The following RAB3IL1 variants were observed in gnomAD, a reference collection of about 807,000 sequenced individuals.
RAB3IL1 encodes RAB3A interacting protein like 1, also known as guanine nucleotide exchange factor for Rab-3A.
Under a neutral mutation model 49.2 loss-of-function variants are expected in RAB3IL1, and 37 were observed. The observed-to-expected ratio is 0.75, with a 90% CI of 0.58 to 0.99. The LOEUF is 0.99. RAB3IL1 is among the 50% of genes least tolerant of loss of function. The pLI is 0.00. For missense variants in RAB3IL1, 484 were observed against 513.0 expected (o/e 0.94, Z 0.55); for synonymous variants, 193 against 213.9 (o/e 0.90, Z 0.85).
the RAB3IL1 span, among the ~76,000 whole-genome samples, chr11:61,941,966 G>A: frequency 6.6e-6 from 1 of 152,072 alleles, no homozygotes; most frequent in Admixed American, 6.6e-5. Flanking sequence ...ATCTTAGCAC[G>A]TTGTGAGGCC....
chr11:61,897,814 A>G lies in RAB3IL1; in HGVS notation c.*464T>C. ...GGGAACAAGGCACAGGATGGCCACA[A>G]GGGGGTGCTGCTGGCCCAGGGCTTG... On this transcript the variant is annotated 3_prime_UTR_variant, in exon 10 of 10. Transcript: ENST00000394836. The G allele has an allele frequency of 6.2e-6, 1 of 162,464 alleles. No individual in the cohort carries two copies. Among genetic ancestry groups the G allele is most frequent in the Non-Finnish European group, 1.3e-5 (1 of 74,274 alleles). 10.1% of individuals were successfully genotyped at this position (162,464 alleles called of 1,614,324 possible).
chr11:61,906,411 C>G lies in RAB3IL1; in HGVS notation c.657+55G>C. ...GGTCCTCACTGGGCTCGGACCCTGCCTACCGCAGGCACTGCCACCCTTCCC... is the reference window on the plus strand; with the variant it reads ...GGTCCTCACTGGGCTCGGACCCTGCGTACCGCAGGCACTGCCACCCTTCCC... On this transcript the variant is annotated intron_variant, in intron 5 of 9. Coordinates refer to ENST00000394836, the MANE Select transcript of RAB3IL1 (RefSeq NM_013401.4). The surrounding 1 kb of genome is among the most constrained non-coding windows in gnomAD (Gnocchi z 4.6). 6.8e-7 allele frequency: 1 copy of G among 1,469,180 alleles called. No individual in the cohort carries two copies. Among genetic ancestry groups the G allele is most frequent in the Non-Finnish European group, 9.2e-7 (1 of 1,086,730 alleles). The allele number at this position is 1,469,180 out of a possible 1,614,324, so 91.0% of individuals were successfully genotyped here.
chr11:61,921,615 C>T (rs1939909042), upstream of RAB3IL1, among the ~76,000 whole-genome samples: 2 of 152,182 alleles, frequency 1.3e-5, no homozygotes, highest in African/African-American at 4.8e-5. Context: ...CCCCCTGGAA[C>T]TGTTGGACAC....
the RAB3IL1 span, among the ~76,000 whole-genome samples, chr11:61,927,082 G>A: frequency 5.3e-5 from 8 of 152,184 alleles, no homozygotes; most frequent in Non-Finnish European, 1.2e-4. Flanking sequence ...GACCTCAGAT[G>A]ATCCACCCGC....
At chr11:61,941,188 G>A in the RAB3IL1 span, among the ~76,000 whole-genome samples, 1 of 151,860 alleles carries the variant, frequency 6.6e-6, no homozygotes, top group African/African-American at 2.4e-5. Context: ...AAAATTGTAT[G>A]ACAACAAACT....
the RAB3IL1 span, among the ~76,000 whole-genome samples, chr11:61,937,433 G>A: frequency 1.3e-5 from 2 of 152,094 alleles, no homozygotes; most frequent in Admixed American, 1.3e-4. Flanking sequence ...CAGCCTCTGA[G>A]TAGCTGGGAC....
chr11:61,915,480 G>A (rs1401461222), intron 1 of RAB3IL1, among the ~76,000 whole-genome samples: 1 of 152,102 alleles, frequency 6.6e-6, no homozygotes, highest in Non-Finnish European at 1.5e-5. Context: ...TTTACCTAGA[G>A]GCCCAGAGAA....
At position 61,898,834 on chromosome 11, in the gene RAB3IL1, C is replaced by T. The variant is rs113596007; in HGVS notation, c.1067-474G>A. 3,974 of 468,272 alleles carry T rather than the reference C, an allele frequency of 8.5e-3. 74 individuals are homozygous for T. Among genetic ancestry groups the T allele is most frequent in the South Asian group, 0.034 (2,220 of 64,662 alleles). The allele number at this position is 468,272 out of a possible 1,614,324, so 29.0% of individuals were successfully genotyped here. On this transcript the variant is annotated intron_variant, in intron 9 of 9. Transcript: ENST00000394836. The surrounding 1 kb of genome is among the most constrained non-coding windows in gnomAD (Gnocchi z 5.1). ...GACCCCCAGGATGGAGAGGAGATAG[C>T]TCCTTACTCAGAGGGTCGGGCCAGA...
In RAB3IL1 at chr11:61,898,867, A is replaced by T. The variant is rs1020875865; in HGVS notation, c.1066+447T>A. On this transcript the variant is annotated intron_variant, in intron 9 of 9. Transcript: ENST00000394836. The surrounding 1 kb of genome is among the most constrained non-coding windows in gnomAD (Gnocchi z 5.1). ...TCAGAGGGTCGGGCCAGACTGGTTC[A>T]GGAGAAGACTCAGCAGCGAGCAAAG... 4.3e-6 allele frequency: 2 copies of T among 467,812 alleles called. No homozygotes were observed. The highest frequency in any genetic ancestry group is 4.0e-5 in the African/African-American group (2 of 50,494). 29.0% of individuals were successfully genotyped at this position (467,812 alleles called of 1,614,324 possible). A position where few individuals can be genotyped will look rare whatever the true frequency, so the allele number is the denominator to read the frequency against.
At position 61,898,755 on chromosome 11, in the gene RAB3IL1, A is replaced by T. The variant is rs943137212; in HGVS notation, c.1067-395T>A. The T allele has an allele frequency of 1.9e-5, 9 of 476,386 alleles. No individual in the cohort carries two copies. The highest frequency in any genetic ancestry group is 1.6e-4 in the African/African-American group (8 of 51,008). The allele number at this position is 476,386 out of a possible 1,614,324, so 29.5% of individuals were successfully genotyped here. A position where few individuals can be genotyped will look rare whatever the true frequency, so the allele number is the denominator to read the frequency against. Reference sequence around the variant, plus strand: ...CGGGGACCACAGCGGCCATCCAGGGACCTAGCAGGTGTCAACACCCAGCAT... The same window carrying T: ...CGGGGACCACAGCGGCCATCCAGGGTCCTAGCAGGTGTCAACACCCAGCAT... On this transcript the variant is annotated intron_variant, in intron 9 of 9. Transcript: ENST00000394836. The surrounding 1 kb of genome is among the most constrained non-coding windows in gnomAD (Gnocchi z 5.1).
At chr11:61,919,938 C>A, upstream of RAB3IL1, 1 of 759,180 alleles carries the variant, frequency 1.3e-6, no homozygotes, top group Non-Finnish European at 1.8e-6. Flanking sequence ...ACAAGACAAT[C>A]AGAGCCATTG....
the RAB3IL1 span, among the ~76,000 whole-genome samples, chr11:61,931,910 G>A: frequency 9.2e-5 from 14 of 152,116 alleles, no homozygotes; most frequent in African/African-American, 3.1e-4. Context: ...GAAAAGTAGA[G>A]AATCAATTTA....
the RAB3IL1 span, among the ~76,000 whole-genome samples, chr11:61,926,286 A>G: frequency 1.3e-5 from 2 of 152,338 alleles, no homozygotes; most frequent in African/African-American, 2.4e-5. Context: ...AAGAACACAC[A>G]TGCCAAGTGC....
At chr11:61,900,534 A>G (rs1938857479) in intron 8 of RAB3IL1, among the ~76,000 whole-genome samples, 1 of 151,722 alleles carries the variant, frequency 6.6e-6, no homozygotes, top group Non-Finnish European at 1.5e-5. Flanking sequence ...ACCGCTGCAC[A>G]GGGAGGGTTG....
At chr11:61,927,574 C>T in the RAB3IL1 span, among the ~76,000 whole-genome samples, 1 of 152,076 alleles carries the variant, frequency 6.6e-6, no homozygotes, top group South Asian at 2.1e-4. Context: ...GGGGCTAGAT[C>T]TTGTGGGGCT....
the RAB3IL1 span, among the ~76,000 whole-genome samples, chr11:61,929,805 C>T: frequency 2.0e-5 from 3 of 150,388 alleles, no homozygotes; most frequent in East Asian, 2.0e-4. Context: ...AAGATGGTCT[C>T]GATCTCCTGA....
At chr11:61,919,810 A>G (rs1453513580), upstream of RAB3IL1, among the ~76,000 whole-genome samples, 1 of 152,218 alleles carries the variant, frequency 6.6e-6, no homozygotes, top group Non-Finnish European at 1.5e-5. Flanking sequence ...GTCAGCCTGG[A>G]CAACCCAGGC....
Position 61,917,532 on chromosome 11 carries a change from C to G in RAB3IL1, c.-165G>C. On this transcript the variant is annotated 5_prime_UTR_variant, in exon 1 of 10. Coordinates refer to ENST00000394836, the MANE Select transcript of RAB3IL1 (RefSeq NM_013401.4). ...TCTCAGACGCCTGGGCTCGCGGCCC[C>G]CAGCCCAGCCCCGACCCTGCCCTGG... The G allele has an allele frequency of 9.0e-7, 1 of 1,113,416 alleles. No homozygotes were observed. Among genetic ancestry groups the G allele is most frequent in the Non-Finnish European group, 1.1e-6 (1 of 913,672 alleles). 69.0% of individuals were successfully genotyped at this position (1,113,416 alleles called of 1,614,324 possible).
rs143946415 is a variant in RAB3IL1 at position 61,906,825 on chromosome 11, C to T, written c.439-141G>A. ...CACCCGACGCCCTCAGAACAGCCTT[C>T]GAGGCAGAGACCCAGACACTCGTTT... On this transcript the variant is annotated intron_variant, in intron 4 of 9. Coordinates refer to ENST00000394836, the MANE Select transcript of RAB3IL1 (RefSeq NM_013401.4). The surrounding 1 kb of genome is among the most constrained non-coding windows in gnomAD (Gnocchi z 4.6). 1.1e-3 allele frequency: 877 copies of T among 802,766 alleles called. No individual in the cohort carries two copies. The highest frequency in any genetic ancestry group is 1.5e-3 in the Non-Finnish European group (732 of 481,526). 49.7% of individuals were successfully genotyped at this position (802,766 alleles called of 1,614,324 possible).
Sources: gnomAD v4.1 joint callset for allele counts (sites outside exome capture counted in the v4.1 genomes callset) on GRCh38, gnomAD v4.1.1 for gene constraint, Gnocchi (gnomAD v3.1) non-coding constraint, MANE v1.5 for transcripts, NCBI Gene and HGNC (gene_info 2026-07-23, HGNC 2026-07-21) for gene names.